Variants in CNNM2 observed in about 807,000 individuals in gnomAD.
CNNM2 encodes metal transporter CNNM2.
CNNM2 carries 12 observed loss-of-function variants against 66.9 expected under a neutral mutation model. The ratio of observed to expected loss-of-function variants is 0.18; its 90% confidence interval spans 0.11 to 0.29. The LOEUF is 0.29. Ranked by LOEUF, CNNM2 falls within the 10% of genes least tolerant of loss-of-function variation. CNNM2 has a pLI of 1.00. For missense variants in CNNM2, 705 were observed against 1,167.7 expected (o/e 0.60, Z 5.77); for synonymous variants, 557 against 501.8 (o/e 1.11, Z -1.47).
intron 4 of CNNM2, among the ~76,000 whole-genome samples, chr10:103,060,166 A>T (rs2065359759): frequency 1.3e-5 from 2 of 152,112 alleles, no homozygotes; most frequent in South Asian, 4.1e-4. Context: ...ATAAAAATTG[A>T]TCATTTATCA....
intron 1 of CNNM2, among the ~76,000 whole-genome samples, chr10:103,035,027 A>C (rs1225526050): frequency 6.6e-6 from 1 of 151,566 alleles, no homozygotes; most frequent in South Asian, 2.1e-4. Flanking sequence ...GTTCATGTCT[A>C]TAATCCCAGC....
At chr10:102,940,626 G>T (rs1846397820) in intron 1 of CNNM2, among the ~76,000 whole-genome samples, 1 of 151,112 alleles carries the variant, frequency 6.6e-6, no homozygotes, top group Non-Finnish European at 1.5e-5. Context: ...CACCGTGTTA[G>T]CCAGGATGGT....
chr10:103,028,814 C>CTT (rs67846722), intron 1 of CNNM2, among the ~76,000 whole-genome samples: 9 of 126,180 alleles, frequency 7.1e-5, no homozygotes, highest in South Asian at 2.5e-4. Flanking sequence ...TTTTCTTTTT[C>CTT]TTTTTTTTTT....
intron 1 of CNNM2, among the ~76,000 whole-genome samples, chr10:103,031,747 G>A (rs886280177): frequency 2.0e-5 from 3 of 152,172 alleles, no homozygotes; most frequent in Non-Finnish European, 2.9e-5. Context: ...ATCTGATAGC[G>A]CCTAGGCAGC....
chr10:102,985,370 C>T (rs962951028), intron 1 of CNNM2, among the ~76,000 whole-genome samples: 1 of 152,064 alleles, frequency 6.6e-6, no homozygotes, highest in Non-Finnish European at 1.5e-5. Flanking sequence ...TAAAATTCTG[C>T]TGTGAGTCCG....
chr10:102,965,206 C>CA (rs1336680500), intron 1 of CNNM2, among the ~76,000 whole-genome samples: 1 of 152,232 alleles, frequency 6.6e-6, no homozygotes. Flanking sequence ...GCACCTGACA[C>CA]ACAGCTCTCT....
At chr10:103,012,642 T>C (rs79208808) in intron 1 of CNNM2, among the ~76,000 whole-genome samples, 1 of 150,066 alleles carries the variant, frequency 6.7e-6, no homozygotes, top group East Asian at 1.9e-4. Flanking sequence ...AGCAAGACTT[T>C]TTTTTTTTTT....
At chr10:103,009,708 G>GAGAATGGAGAATGGA (rs2064302811) in intron 1 of CNNM2, among the ~76,000 whole-genome samples, 1 of 150,408 alleles carries the variant, frequency 6.6e-6, no homozygotes, top group South Asian at 2.1e-4. Context: ...AGTATATTGG[G>GAGAATGGAGAATGGA]AGAATGGAGA....
chr10:103,064,795 C>T (rs577022314), intron 4 of CNNM2, among the ~76,000 whole-genome samples: 24 of 152,248 alleles, frequency 1.6e-4, no homozygotes, highest in African/African-American at 3.9e-4. Context: ...TTCTCACCAC[C>T]GGTGCGGTGA....
Position 103,083,932 on chromosome 10 carries a change from A to T in CNNM2, c.*6752A>T, listed in dbSNP as rs2065779844. 1 of 152,228 alleles carries T rather than the reference A, an allele frequency of 6.6e-6. No individual in the cohort carries two copies. The highest frequency in any genetic ancestry group is 2.4e-5 in the African/African-American group (1 of 41,442). The allele number at this position is 152,228 out of a possible 1,614,324, so 9.4% of individuals were successfully genotyped here. A position where few individuals can be genotyped will look rare whatever the true frequency, so the allele number is the denominator to read the frequency against. ...TTTCAAGTGGAAAACATCCGGCCTG[A>T]GTGTGGCGAGGCGTGTGCAGGTGGG... On this transcript the variant is annotated 3_prime_UTR_variant, in exon 8 of 8. Coordinates refer to ENST00000369878, the MANE Select transcript of CNNM2 (RefSeq NM_017649.5).
chr10:103,043,123 G>T (rs1056109030), intron 1 of CNNM2, among the ~76,000 whole-genome samples: 3 of 152,314 alleles, frequency 2.0e-5, no homozygotes, highest in Admixed American at 6.5e-5. Flanking sequence ...CCCTGGAGTT[G>T]TGCAACGCAG....
intron 1 of CNNM2, among the ~76,000 whole-genome samples, chr10:103,038,843 T>TA (rs1402631240): frequency 6.6e-6 from 1 of 152,224 alleles, no homozygotes; most frequent in Non-Finnish European, 1.5e-5. Flanking sequence ...GTGGCTTCTA[T>TA]ATACAGCAAG....
intron 1 of CNNM2, among the ~76,000 whole-genome samples, chr10:102,960,516 T>G (rs1209293873): frequency 6.6e-6 from 1 of 152,190 alleles, no homozygotes; most frequent in Non-Finnish European, 1.5e-5. Context: ...TTTCCTCCAG[T>G]GCGTATTTAT....
chr10:102,974,578 A>ATT (rs895812130), intron 1 of CNNM2, among the ~76,000 whole-genome samples: 3 of 148,254 alleles, frequency 2.0e-5, no homozygotes, highest in African/African-American at 7.4e-5. Flanking sequence ...AATCCTATTT[A>ATT]TTTTTTTTTT....
In CNNM2 at chr10:103,089,968, A is replaced by C; in HGVS notation, c.*12788A>C. On this transcript the variant is annotated 3_prime_UTR_variant, in exon 8 of 8. Transcript: ENST00000369878. ...GCAGAGCAAAGTAGCTACTCCCCAA[A>C]TCCTAACCCCTCTCCTCTGTTAGGT... The C allele has an allele frequency of 1.4e-6, 2 of 1,383,782 alleles. No individual in the cohort carries two copies. Among genetic ancestry groups the C allele is most frequent in the Non-Finnish European group, 2.0e-6 (2 of 1,014,454 alleles). 85.7% of individuals were successfully genotyped at this position (1,383,782 alleles called of 1,614,324 possible).
At chr10:102,925,684 TAGTG>T (rs1374336114) in intron 1 of CNNM2, among the ~76,000 whole-genome samples, 3 of 152,136 alleles carry the variant, frequency 2.0e-5, no homozygotes, top group South Asian at 2.1e-4. Context: ...AAAAAACAAA[TAGTG>T]AGTGTTACCG....
intron 1 of CNNM2, among the ~76,000 whole-genome samples, chr10:102,963,869 T>C (rs2063420703): frequency 6.6e-6 from 1 of 152,216 alleles, no homozygotes; most frequent in South Asian, 2.1e-4. Context: ...ACAATGTATG[T>C]GGAAATTCAG....
chr10:103,059,327 C>T (rs1288819605), intron 4 of CNNM2, among the ~76,000 whole-genome samples: 1 of 152,170 alleles, frequency 6.6e-6, no homozygotes, highest in Non-Finnish European at 1.5e-5. Context: ...ATCTGCCTTC[C>T]CTTCCTGGCC....
At chr10:103,017,976 A>AAAAAAAAAAAG (rs2064489128) in intron 1 of CNNM2, among the ~76,000 whole-genome samples, 1 of 151,162 alleles carries the variant, frequency 6.6e-6, no homozygotes, top group Non-Finnish European at 1.5e-5. Context: ...AAAAAAAAAA[A>AAAAAAAAAAAG]AAAAAGGCAA....
Sources: allele counts gnomAD v4.1 joint callset (sites outside exome capture counted in the v4.1 genomes callset), GRCh38; gene constraint gnomAD v4.1.1; transcripts MANE v1.5; gene names NCBI Gene and HGNC (gene_info 2026-07-23, HGNC 2026-07-21).